TEAD1: variants seen among roughly 807,000 people sequenced by gnomAD.
The protein encoded by TEAD1 is TEA domain transcription factor 1, also known as transcriptional enhancer factor TEF-1.
In TEAD1, 9 loss-of-function variants were observed where a neutral mutation model predicts 54.9. The ratio of observed to expected loss-of-function variants is 0.16; its 90% confidence interval spans 0.10 to 0.29. The LOEUF is 0.29. Among genes scored for constraint, TEAD1 ranks in the 10% least tolerant of loss-of-function variants. The probability of loss-of-function intolerance (pLI) is 1.00; values close to 1 mark genes in which losing one functional copy is unlikely to be tolerated. For missense variants in TEAD1, 387 were observed against 535.9 expected, an observed-to-expected ratio of 0.72 and a Z score of 2.74; for synonymous variants, 200 against 187.8, an observed-to-expected ratio of 1.07 and a Z score of -0.53.
intron 4 of TEAD1, chr11:12,864,571 A>C: frequency 1.4e-5 from 11 of 788,998 alleles, no homozygotes; most frequent in East Asian, 8.4e-5. Flanking sequence ...CCCCAACCCC[A>C]CCCCAAAACC....
chr11:12,913,956 A>G (rs1168428814), intron 10 of TEAD1, among the ~76,000 whole-genome samples: 1 of 152,158 alleles, frequency 6.6e-6, no homozygotes, highest in Non-Finnish European at 1.5e-5. Context: ...TGAATGAGAA[A>G]GGTTTGGGGC....
chr11:12,684,844 C>G (rs1303443758), intron 2 of TEAD1, among the ~76,000 whole-genome samples: 1 of 152,220 alleles, frequency 6.6e-6, no homozygotes, highest in African/African-American at 2.4e-5. Flanking sequence ...ATAATTCACA[C>G]TCATGTGAAT....
chr11:12,720,523 A>T (rs78273835), intron 2 of TEAD1, among the ~76,000 whole-genome samples: 1 of 152,188 alleles, frequency 6.6e-6, no homozygotes, highest in African/African-American at 2.4e-5. Flanking sequence ...GAACAACTCT[A>T]TGAGGTGAGC....
intron 3 of TEAD1, among the ~76,000 whole-genome samples, chr11:12,782,619 G>A (rs781055036): frequency 1.3e-5 from 2 of 152,230 alleles, no homozygotes; most frequent in Non-Finnish European, 2.9e-5. Flanking sequence ...TGGGTGAGCT[G>A]TATGAAATAT....
chr11:12,800,330 G>A (rs1489193522), intron 3 of TEAD1, among the ~76,000 whole-genome samples: 1 of 152,232 alleles, frequency 6.6e-6, no homozygotes, highest in African/African-American at 2.4e-5. Flanking sequence ...ATTATCCAAA[G>A]GATCTGGACT....
At position 12,942,339 on chromosome 11, in the gene TEAD1, C is replaced by A. The variant is rs1196410135; in HGVS notation, c.*5117C>A. On this transcript the variant is annotated 3_prime_UTR_variant, in exon 13 of 13. Coordinates refer to ENST00000527636, the MANE Select transcript of TEAD1 (RefSeq NM_021961.6). ...GCCTTTGGTTTACCGGGATGAGTAACCAACCACAGGCCTCTGTTCACAAGA... is the reference window on the plus strand; with the variant it reads ...GCCTTTGGTTTACCGGGATGAGTAAACAACCACAGGCCTCTGTTCACAAGA... 6.6e-6 allele frequency: 1 copy of A among 152,402 alleles called. No individual in the cohort carries two copies. Among genetic ancestry groups the A allele is most frequent in the Non-Finnish European group, 1.5e-5 (1 of 68,036 alleles). The allele number at this position is 152,402 out of a possible 1,614,324, so 9.4% of individuals were successfully genotyped here.
intron 6 of TEAD1, 97 bp from the exon 7 acceptor site, chr11:12,880,908 C>A: frequency 7.3e-7 from 1 of 1,364,574 alleles, no homozygotes; most frequent in Non-Finnish European, 1.0e-6. Flanking sequence ...GGTGATCGAA[C>A]CTGCTGTCTT....
chr11:12,859,982 C>G (rs895361634), intron 3 of TEAD1, among the ~76,000 whole-genome samples: 2 of 152,160 alleles, frequency 1.3e-5, no homozygotes, highest in African/African-American at 2.4e-5. Flanking sequence ...TAAACTGACT[C>G]TGATGCTATA....
intron 2 of TEAD1, among the ~76,000 whole-genome samples, chr11:12,742,656 T>G (rs565275147): frequency 6.6e-6 from 1 of 152,334 alleles, no homozygotes; most frequent in Non-Finnish European, 1.5e-5. Context: ...TTCCACAATA[T>G]ATACATGTAT....
chr11:12,742,736 A>G (rs1389410456), intron 2 of TEAD1, among the ~76,000 whole-genome samples: 2 of 152,218 alleles, frequency 1.3e-5, no homozygotes, highest in Non-Finnish European at 2.9e-5. Flanking sequence ...AACTTTAAAA[A>G]AGGAAAGTCT....
intron 2 of TEAD1, among the ~76,000 whole-genome samples, chr11:12,695,319 G>A (rs1943556917): frequency 1.3e-5 from 2 of 152,178 alleles, no homozygotes; most frequent in South Asian, 4.1e-4. Flanking sequence ...AGTTTCTTTG[G>A]AAATCACTGT....
chr11:12,784,656 A>G (rs1945639225), intron 3 of TEAD1, among the ~76,000 whole-genome samples: 1 of 152,094 alleles, frequency 6.6e-6, no homozygotes, highest in Non-Finnish European at 1.5e-5. Flanking sequence ...GAAGCAGATG[A>G]TTTTCTTGCA....
At chr11:12,774,791 T>C (rs1022281929) in intron 3 of TEAD1, among the ~76,000 whole-genome samples, 5 of 152,164 alleles carry the variant, frequency 3.3e-5, no homozygotes, top group South Asian at 2.1e-4. Context: ...AAATATCGCA[T>C]GTTCTCACTT....
intron 2 of TEAD1, among the ~76,000 whole-genome samples, chr11:12,739,198 TTCTATC>T (rs1944597708): frequency 6.8e-6 from 1 of 146,858 alleles, no homozygotes; most frequent in Admixed American, 6.7e-5. Flanking sequence ...GTCTCATTCT[TTCTATC>T]TATCTATCTA....
intron 3 of TEAD1, among the ~76,000 whole-genome samples, chr11:12,764,935 T>G (rs1000763245): frequency 6.6e-6 from 1 of 151,054 alleles, no homozygotes; most frequent in Non-Finnish European, 1.5e-5. Flanking sequence ...ACTTTTTTTT[T>G]TTTAAAACAA....
intron 4 of TEAD1, among the ~76,000 whole-genome samples, chr11:12,863,124 A>T (rs1391218438): frequency 6.6e-6 from 1 of 152,250 alleles, no homozygotes; most frequent in Non-Finnish European, 1.5e-5. Flanking sequence ...CATGAACCTT[A>T]AAAACTGTAA....
chr11:12,856,722 TC>T (rs1947390098), intron 3 of TEAD1, among the ~76,000 whole-genome samples: 2 of 152,292 alleles, frequency 1.3e-5, no homozygotes, highest in East Asian at 1.9e-4. Flanking sequence ...TCCTCACACA[TC>T]CTTCCCAGTG....
intron 2 of TEAD1, among the ~76,000 whole-genome samples, chr11:12,746,662 GCT>G (rs534661990): frequency 1.3e-5 from 2 of 152,146 alleles, no homozygotes; most frequent in Non-Finnish European, 2.9e-5. Flanking sequence ...CTCCTGAGCT[GCT>G]CTTTCTCACC....
At chr11:12,697,311 C>T (rs1321509115) in intron 2 of TEAD1, among the ~76,000 whole-genome samples, 4 of 152,146 alleles carry the variant, frequency 2.6e-5, no homozygotes, top group East Asian at 1.9e-4. Context: ...ATTTTATTAG[C>T]AAATGGATTA....
Sources: allele counts gnomAD v4.1 joint callset (sites outside exome capture counted in the v4.1 genomes callset), GRCh38; gene constraint gnomAD v4.1.1; transcripts MANE v1.5; gene names NCBI Gene and HGNC (gene_info 2026-07-23, HGNC 2026-07-21).